ACSM1: variants seen among roughly 807,000 people sequenced by gnomAD.
ACSM1 encodes acyl-CoA synthetase medium chain family member 1.
In ACSM1, 79 loss-of-function variants were observed where a neutral mutation model predicts 75.8. The observed-to-expected ratio is 1.04, with a 90% CI of 0.87 to 1.26. The LOEUF (loss-of-function observed/expected upper bound fraction) is 1.26. ACSM1 is among the 50% of genes most tolerant of loss of function. The probability of loss-of-function intolerance (pLI) is 0.00; values close to 1 mark genes in which losing one functional copy is unlikely to be tolerated. For missense variants in ACSM1, 676 were observed against 720.1 expected (o/e 0.94, Z 0.70); for synonymous variants, 279 against 265.8 (o/e 1.05, Z -0.48).
intron 12 of ACSM1, 22 bp downstream of exon 12, chr16:20,625,401 A>G (rs1301411185): frequency 1.2e-6 from 2 of 1,610,950 alleles, no homozygotes; most frequent in East Asian, 2.2e-5. Flanking sequence ...CACAGACATG[A>G]TGATCTCTGT....
At chr16:20,647,531 T>C (rs1478525146) in intron 7 of ACSM1, among the ~76,000 whole-genome samples, 1 of 152,106 alleles carries the variant, frequency 6.6e-6, no homozygotes, top group Non-Finnish European at 1.5e-5. Flanking sequence ...GGGAGATATG[T>C]GGGAAGCATT....
intron 10 of ACSM1, among the ~76,000 whole-genome samples, chr16:20,629,228 T>C (rs558845776): frequency 6.6e-6 from 1 of 152,308 alleles, no homozygotes; most frequent in Non-Finnish European, 1.5e-5. Flanking sequence ...CCACTCATGA[T>C]ATTAGATCAA....
chr16:20,651,356 C>G (rs2018635532), intron 7 of ACSM1, among the ~76,000 whole-genome samples: 2 of 152,164 alleles, frequency 1.3e-5, no homozygotes, highest in African/African-American at 4.8e-5. Flanking sequence ...AGGCTGGGCC[C>G]AGTGGCTCAT....
intron 10 of ACSM1, among the ~76,000 whole-genome samples, chr16:20,635,389 G>GT (rs1023818577): frequency 2.0e-5 from 3 of 151,998 alleles, no homozygotes; most frequent in Admixed American, 2.0e-4. Flanking sequence ...GCAAGACCTT[G>GT]TTTTTTTCTT....
chr16:20,623,599 G>T, intron 13 of ACSM1, 27 bp from the exon 14 acceptor site: 2 of 1,596,540 alleles, frequency 1.3e-6, no homozygotes, highest in South Asian at 1.1e-5. Context: ...CAAATCCACA[G>T]TGATTGAGTC....
intron 12 of ACSM1, among the ~76,000 whole-genome samples, chr16:20,625,054 G>C (rs530916768): frequency 2.6e-5 from 4 of 152,128 alleles, no homozygotes; most frequent in Non-Finnish European, 4.4e-5. Context: ...ATGCATGTAT[G>C]TTCGGGAGCC....
intron 10 of ACSM1, among the ~76,000 whole-genome samples, chr16:20,627,863 TGTATAC>T (rs2017055734): frequency 1.1e-5 from 1 of 93,156 alleles, no homozygotes; most frequent in African/African-American, 4.1e-5. Context: ...TCTCTCTGTA[TGTATAC>T]ATATATATAT....
intron 2 of ACSM1, among the ~76,000 whole-genome samples, chr16:20,688,900 A>T (rs1448027629): frequency 1.3e-5 from 2 of 150,940 alleles, no homozygotes; most frequent in Non-Finnish European, 3.0e-5. Flanking sequence ...TTGTAACTCC[A>T]CTTGTTATTT....
At chr16:20,663,722 C>A (rs1417119952) in intron 6 of ACSM1, among the ~76,000 whole-genome samples, 1 of 151,870 alleles carries the variant, frequency 6.6e-6, no homozygotes, top group African/African-American at 2.4e-5. Flanking sequence ...ACTGAAGCTG[C>A]CTTAATTGCT....
At chr16:20,657,428 C>A (rs1179125252) in intron 7 of ACSM1, among the ~76,000 whole-genome samples, 1 of 152,076 alleles carries the variant, frequency 6.6e-6, no homozygotes, top group Non-Finnish European at 1.5e-5. Context: ...CCTGCCTCAG[C>A]CTCCTGAGTA....
rs770320691 is a variant in ACSM1, at chr16:20,661,910, G to A, written c.913-37C>T. ...AGAGAGAAGAAATTTTATTTTTACA[G>A]TTAAGGTTAAACTAACAGCCAATTA... On this transcript the variant is annotated intron_variant, in intron 6 of 13. Transcript: ENST00000520010. 2.1e-6 allele frequency: 3 copies of A among 1,457,144 alleles called. No homozygotes were observed. The African/African-American group carries it at 4.2e-5, about 20-fold the overall frequency. 90.3% of individuals were successfully genotyped at this position (1,457,144 alleles called of 1,614,324 possible).
rs528742963 is a variant in ACSM1 at position 20,672,448 on chromosome 16, CAAA to C, written c.612-780_612-778del. 4.1e-4 allele frequency among the ~76,000 whole-genome samples: 9 copies of C among 21,916 alleles called. No individual in the cohort carries two copies. The East Asian group carries it at 0.019, about 46-fold the overall frequency. The allele number at this position is 21,916 out of a possible 152,430, so 14.4% of individuals were successfully genotyped here. ...TGGGTGACAGAGCAAAACTCCATCT[CAAA>C]AAAAAAAAAAAAAAAAAAAAATATA... is the stretch of plus-strand genomic sequence containing the variant. On this transcript the variant is annotated intron_variant, in intron 4 of 13. Coordinates refer to ENST00000520010, the MANE Select transcript of ACSM1 (RefSeq NM_001318890.3).
chr16:20,691,261 G>T, intron 1 of ACSM1, 22 bp from the exon 2 acceptor site: 1 of 1,278,466 alleles, frequency 7.8e-7, no homozygotes, highest in Non-Finnish European at 1.1e-6. Flanking sequence ...ATGGCTAATA[G>T]ATTGGCTGTG....
chr16:20,646,102 A>G (rs1385696379), intron 7 of ACSM1, among the ~76,000 whole-genome samples: 2 of 152,082 alleles, frequency 1.3e-5, no homozygotes, highest in Non-Finnish European at 2.9e-5. Flanking sequence ...AGCAGGTGGA[A>G]TGGAACAAAC....
chr16:20,642,129 G>A (rs1052833839), intron 7 of ACSM1, among the ~76,000 whole-genome samples: 55 of 152,220 alleles, frequency 3.6e-4, no homozygotes, highest in African/African-American at 1.2e-3. Flanking sequence ...TATAAAGATG[G>A]AGCAAAAATT....
Position 20,683,688 on chromosome 16 carries a change from ATTCT to A in ACSM1, c.404-1229_404-1226del, listed in dbSNP as rs2079492701. ...AGAGTCTTGCCACCACGCCTGGCTAATTCTTTCTTTCTTTCTCTCTCTCTCTCTC... is the reference window on the plus strand; with the variant it reads ...AGAGTCTTGCCACCACGCCTGGCTAATTCTTTCTTTCTCTCTCTCTCTCTC... On this transcript the variant is annotated intron_variant, in intron 3 of 13. Coordinates refer to ENST00000520010, the MANE Select transcript of ACSM1 (RefSeq NM_001318890.3). 3.8e-5 allele frequency among the ~76,000 whole-genome samples: 5 copies of A among 132,330 alleles called. No individual in the cohort carries two copies. The South Asian group carries it at 8.0e-4, about 21-fold the overall frequency. The allele number at this position is 132,330 out of a possible 152,430, so 86.8% of individuals were successfully genotyped here.
chr16:20,625,508 G>A lies in ACSM1; in HGVS notation c.1442C>T (p.Pro481Leu). 2 of 1,614,062 alleles carry A rather than the reference G, an allele frequency of 1.2e-6. No homozygotes were observed. Among genetic ancestry groups the A allele is most frequent in the East Asian group, 2.2e-5 (1 of 44,858 alleles). ...IINASGYRIG[P>L]AEVESALVEH... ...CACCAAAGCGCTTTCAACCTCTGCA[G>A]GCCCGATGCGATACCTGGAGGATGA... The change falls in exon 12 of 14, where the codon CCT becomes CTT. Residue 481 changes from proline to leucine, a missense_variant. Transcript: ENST00000520010.
At chr16:20,672,572 C>T (rs1839714441) in intron 4 of ACSM1, among the ~76,000 whole-genome samples, 1 of 117,436 alleles carries the variant, frequency 8.5e-6, no homozygotes, top group East Asian at 2.6e-4. Flanking sequence ...AAAATATATA[C>T]TTTTATGTCA....
chr16:20,663,049 C>T (rs1304358654), intron 6 of ACSM1, among the ~76,000 whole-genome samples: 1 of 152,114 alleles, frequency 6.6e-6, no homozygotes, highest in Non-Finnish European at 1.5e-5. Flanking sequence ...GGGTCCAGGG[C>T]CTAAACCCCC....
Sources: gnomAD v4.1 joint callset for allele counts (sites outside exome capture counted in the v4.1 genomes callset) on GRCh38, gnomAD v4.1.1 for gene constraint, MANE v1.5 for transcripts, NCBI Gene and HGNC (gene_info 2026-07-23, HGNC 2026-07-21) for gene names.